KDM6A: variants seen among roughly 807,000 people sequenced by gnomAD.
KDM6A encodes lysine demethylase 6A.
Under a neutral mutation model 117.6 loss-of-function variants are expected in KDM6A, and 11 were observed. The observed-to-expected ratio is 0.09, with a 90% CI of 0.06 to 0.15. The LOEUF is 0.15. Among genes scored for constraint, KDM6A ranks in the 10% least tolerant of loss-of-function variants. KDM6A has a pLI of 1.00. For synonymous variants in KDM6A, 384 were observed against 396.1 expected, an observed-to-expected ratio of 0.97 and a Z score of 0.36; for missense variants, 799 against 1,077.3, an observed-to-expected ratio of 0.74 and a Z score of 3.62.
chrX:44,940,074 G>T (rs1194712699), intron 2 of KDM6A, among the ~76,000 whole-genome samples: 1 of 110,700 alleles, frequency 9.0e-6, no homozygotes, highest in Non-Finnish European at 1.9e-5. Flanking sequence ...TTTTTTTGAG[G>T]TGGAGTCTCA....
chrX:44,892,414 C>T (rs1354027755), intron 2 of KDM6A, among the ~76,000 whole-genome samples: 6 of 111,380 alleles, frequency 5.4e-5, no homozygotes, highest in African/African-American at 9.8e-5. Flanking sequence ...CAAAGCTGGG[C>T]GTGGTGGCTC....
chrX:44,951,079 G>A (rs1160547596), intron 2 of KDM6A, among the ~76,000 whole-genome samples: 2 of 110,926 alleles, frequency 1.8e-5, no homozygotes, highest in Non-Finnish European at 3.8e-5. Context: ...ACCCGACCCC[G>A]GCCAATGAGG....
At chrX:45,051,640 C>A in intron 8 of KDM6A, 69 bp from the exon 9 acceptor site, 1 of 594,136 alleles carries the variant, frequency 1.7e-6, no homozygotes, top group Non-Finnish European at 2.7e-6. Flanking sequence ...TTGTATAATT[C>A]TTAATATATG....
intron 6 of KDM6A, among the ~76,000 whole-genome samples, chrX:45,029,287 T>A: frequency 9.1e-6 from 1 of 110,181 alleles, no homozygotes; most frequent in East Asian, 2.8e-4. Context: ...ATACAAAAAA[T>A]AAGCCGGCAT....
chrX:44,968,970 C>CAAA (rs57829328), intron 3 of KDM6A, among the ~76,000 whole-genome samples: 2 of 50,861 alleles, frequency 3.9e-5, no homozygotes, highest in East Asian at 5.3e-4. Flanking sequence ...AACTCCATCT[C>CAAA]AAAAAAAAAA....
intron 6 of KDM6A, 67 bp downstream of exon 6, chrX:45,020,797 A>T (rs2147670860): frequency 9.0e-7 from 1 of 1,113,307 alleles, no homozygotes; most frequent in South Asian, 1.9e-5. Flanking sequence ...TGTTTTTCTT[A>T]AATATTAGAG....
chrX:45,047,344 C>T (rs2043583880), intron 8 of KDM6A, among the ~76,000 whole-genome samples: 1 of 104,034 alleles, frequency 9.6e-6, no homozygotes, highest in South Asian at 4.2e-4. Context: ...AGACTATATG[C>T]TATTGCCTCA....
intron 8 of KDM6A, among the ~76,000 whole-genome samples, chrX:45,048,903 G>A (rs963878311): frequency 1.9e-5 from 2 of 106,185 alleles, no homozygotes; most frequent in African/African-American, 7.7e-5. Context: ...TTTACACATC[G>A]TTTATAATTG....
chrX:45,034,898 G>A, intron 6 of KDM6A, 33 bp from the exon 7 acceptor site: 1 of 1,139,780 alleles, frequency 8.8e-7, no homozygotes, highest in Non-Finnish European at 1.2e-6. Context: ...ACTCTAAATT[G>A]ACTGCATTAA....
At chrX:45,008,377 G>A (rs1029093840) in intron 4 of KDM6A, among the ~76,000 whole-genome samples, 2 of 110,137 alleles carry the variant, frequency 1.8e-5, no homozygotes, top group Admixed American at 1.9e-4. Context: ...CCATCTCAAA[G>A]AAAATAAAAA....
intron 4 of KDM6A, among the ~76,000 whole-genome samples, chrX:44,983,449 C>G (rs2147320690): frequency 9.0e-6 from 1 of 111,233 alleles, no homozygotes; most frequent in African/African-American, 3.3e-5. Context: ...TTTTAGGGTA[C>G]ATGTGCACAA....
chrX:44,986,414 G>C (rs1021150149), intron 4 of KDM6A, among the ~76,000 whole-genome samples: 1 of 111,288 alleles, frequency 9.0e-6, no homozygotes, highest in Non-Finnish European at 1.9e-5. Flanking sequence ...ATTTCCTTCA[G>C]TTCTGCTCTG....
intron 4 of KDM6A, among the ~76,000 whole-genome samples, chrX:45,004,208 C>T (rs1202445605): frequency 9.0e-6 from 1 of 110,693 alleles, no homozygotes; most frequent in Non-Finnish European, 1.9e-5. Flanking sequence ...CTCCACCATA[C>T]TCTTTAGGGG....
At chrX:44,913,973 T>TA (rs2035389068) in intron 2 of KDM6A, among the ~76,000 whole-genome samples, 1 of 111,446 alleles carries the variant, frequency 9.0e-6, no homozygotes, top group Non-Finnish European at 1.9e-5. Flanking sequence ...GGGTAAAGTG[T>TA]AAAATGTGAG....
chrX:45,041,048 T>C (rs1421680869), intron 8 of KDM6A, among the ~76,000 whole-genome samples: 1 of 63,312 alleles, frequency 1.6e-5, no homozygotes. Flanking sequence ...GCAGAGGGGC[T>C]CCTCACTTCC....
At chrX:44,895,878 ATT>A (rs1423275917) in intron 2 of KDM6A, among the ~76,000 whole-genome samples, 1 of 102,419 alleles carries the variant, frequency 9.8e-6, no homozygotes, top group Non-Finnish European at 2.0e-5. Context: ...ATCTTAATAT[ATT>A]TTAGGATTCC....
At chrX:44,915,507 T>C (rs928501031) in intron 2 of KDM6A, among the ~76,000 whole-genome samples, 4 of 112,130 alleles carry the variant, frequency 3.6e-5, no homozygotes, top group African/African-American at 9.7e-5. Context: ...GCTAATCTGC[T>C]TTGTAATAGA....
chrX:44,989,788 GAGAGC>G (rs914879495), intron 4 of KDM6A, among the ~76,000 whole-genome samples: 1 of 111,543 alleles, frequency 9.0e-6, no homozygotes, highest in Non-Finnish European at 1.9e-5. Context: ...AGAGAAGTGA[GAGAGC>G]AGTGCATAGC....
Position 45,089,768 on chromosome X carries a change from T to A in KDM6A, c.3730T>A (p.Ser1244Thr), listed in dbSNP as rs1602985775. ...AAATAATTTGAATTTCCTAATGGGT[T>A]CTTGGTGGCCCAATCTTGAAGATCT... ...EKNNLNFLMG[S>T]WWPNLEDLYE... Residue 1244 changes from serine (S) to threonine (T), a missense_variant, in exon 26 of 30, where the codon TCT (serine) becomes ACT (threonine). Ser to Thr is a moderately conservative substitution (Grantham distance 58, BLOSUM62 1). Around this residue, in one of 8 missense-constraint regions of KDM6A, gnomAD observed 291 missense variants for 437.9 expected, o/e 0.66. Transcript: ENST00000611820. The A allele has an allele frequency of 1.7e-6, 2 of 1,207,703 alleles. No homozygotes were observed. Among genetic ancestry groups the A allele is most frequent in the Non-Finnish European group, 2.2e-6 (2 of 891,861 alleles).
Sources: allele counts gnomAD v4.1 joint callset (sites outside exome capture counted in the v4.1 genomes callset), GRCh38; gene constraint gnomAD v4.1.1; regional missense constraint gnomAD v4.1.1; transcripts MANE v1.5; gene names NCBI Gene and HGNC (gene_info 2026-07-23, HGNC 2026-07-21).